Variants in CSMD1 observed in about 807,000 individuals in gnomAD.
The protein encoded by CSMD1 is CUB and Sushi multiple domains 1.
Under a neutral mutation model 417.5 loss-of-function variants are expected in CSMD1, and 213 were observed. The ratio of observed to expected loss-of-function variants is 0.51; its 90% confidence interval spans 0.46 to 0.57. CSMD1 has a LOEUF of 0.57. Ranked by LOEUF, CSMD1 falls within the 20% of genes least tolerant of loss-of-function variation. The pLI is 0.00. For synonymous variants in CSMD1, 2,862 were observed against 1,736.8 expected, an observed-to-expected ratio of 1.65 and a Z score of -16.11; for missense variants, 6,923 against 4,529.7, an observed-to-expected ratio of 1.53 and a Z score of -15.17.
intron 10 of CSMD1, among the ~76,000 whole-genome samples, chr8:3,560,478 C>T (rs1248255959): frequency 6.6e-6 from 1 of 152,130 alleles, no homozygotes; most frequent in Non-Finnish European, 1.5e-5. Flanking sequence ...ACTGATTCTT[C>T]TCATGCTGTA....
At chr8:4,617,259 A>G (rs1801523021) in intron 2 of CSMD1, among the ~76,000 whole-genome samples, 1 of 152,188 alleles carries the variant, frequency 6.6e-6, no homozygotes, top group South Asian at 2.1e-4. Flanking sequence ...TTTAAGAGCG[A>G]TTACTTGCTT....
rs936090849 is a variant in CSMD1 at position 4,983,051 on chromosome 8, C to T, written c.85+11281G>A. Reference sequence around the variant, plus strand: ...ACAAGCTCTAATATTAAATTATTGTCACCAGAAGAAAAAAATGCAAACATC... The same window carrying T: ...ACAAGCTCTAATATTAAATTATTGTTACCAGAAGAAAAAAATGCAAACATC... On this transcript the variant is annotated intron_variant, in intron 1 of 69. Transcript: ENST00000635120. 8.5e-5 allele frequency among the ~76,000 whole-genome samples: 13 copies of T among 152,226 alleles called. No homozygotes were observed. The East Asian group carries it at 2.3e-3, about 27-fold the overall frequency.
intron 1 of CSMD1, among the ~76,000 whole-genome samples, chr8:4,867,908 A>G (rs1388459112): frequency 1.3e-5 from 2 of 151,966 alleles, no homozygotes; most frequent in Non-Finnish European, 2.9e-5. Context: ...ACGGAGTTGA[A>G]TTTTCGAGCT....
chr8:4,457,661 G>C (rs1268645058), intron 2 of CSMD1, among the ~76,000 whole-genome samples: 1 of 152,126 alleles, frequency 6.6e-6, no homozygotes, highest in Non-Finnish European at 1.5e-5. Context: ...ATGATGTTAA[G>C]CTCAGACAAT....
Position 4,505,164 on chromosome 8 carries a change from G to C in CSMD1, c.303-85099C>G, listed in dbSNP as rs191474830. On this transcript the variant is annotated intron_variant, in intron 2 of 69. Coordinates refer to ENST00000635120, the MANE Select transcript of CSMD1 (RefSeq NM_033225.6). ...CAAACCCCACAATGATAAAAACCTG[G>C]TGGCTTTAGCTTGCATTGTTTCCTC... Among the ~76,000 whole-genome samples the C allele has an allele frequency of 1.9e-3, 286 of 152,254 alleles. 2 individuals are homozygous for C. The highest frequency in any genetic ancestry group is 6.7e-3 in the African/African-American group (278 of 41,532).
chr8:4,470,234 T>C (rs1585130357), intron 2 of CSMD1, among the ~76,000 whole-genome samples: 1 of 152,074 alleles, frequency 6.6e-6, no homozygotes, highest in Non-Finnish European at 1.5e-5. Flanking sequence ...TTTTCAGCCC[T>C]GCCAGGTCCA....
intron 5 of CSMD1, among the ~76,000 whole-genome samples, chr8:3,930,641 C>T (rs1222635599): frequency 3.3e-5 from 5 of 150,206 alleles, no homozygotes; most frequent in Admixed American, 6.6e-5. Flanking sequence ...ATAAGTGACC[C>T]TGTCTCCTTT....
At chr8:3,058,079 A>G (rs1253318505) in intron 49 of CSMD1, among the ~76,000 whole-genome samples, 1 of 152,066 alleles carries the variant, frequency 6.6e-6, no homozygotes, top group Non-Finnish European at 1.5e-5. Flanking sequence ...CTTATTCTGC[A>G]CCTATTTAAG....
intron 3 of CSMD1, among the ~76,000 whole-genome samples, chr8:4,203,551 G>T (rs896548425): frequency 6.6e-6 from 1 of 152,056 alleles, no homozygotes; most frequent in Admixed American, 6.6e-5. Flanking sequence ...TAAACAGCTG[G>T]GTGTGAATTT....
chr8:4,574,725 T>G (rs193035440), intron 2 of CSMD1, among the ~76,000 whole-genome samples: 71 of 152,286 alleles, frequency 4.7e-4, no homozygotes, highest in African/African-American at 1.7e-3. Context: ...AAACTAACCA[T>G]AGACACACAC....
intron 3 of CSMD1, among the ~76,000 whole-genome samples, chr8:4,400,929 A>C (rs942838405): frequency 6.8e-6 from 1 of 146,476 alleles, no homozygotes; most frequent in Non-Finnish European, 1.5e-5. Flanking sequence ...TACAATACCA[A>C]CTTCACAACT....
chr8:4,540,080 A>T (rs1295117939), intron 2 of CSMD1, among the ~76,000 whole-genome samples: 1 of 152,166 alleles, frequency 6.6e-6, no homozygotes, highest in African/African-American at 2.4e-5. Context: ...ATTATTTTCA[A>T]TACGATTATC....
chr8:3,586,595 T>C (rs1199943361), intron 8 of CSMD1, among the ~76,000 whole-genome samples: 2 of 152,134 alleles, frequency 1.3e-5, no homozygotes, highest in African/African-American at 2.4e-5. Flanking sequence ...TGAAGAAATT[T>C]TGTACCCTGA....
chr8:3,014,002 C>T (rs1808629752), intron 52 of CSMD1, among the ~76,000 whole-genome samples: 1 of 152,120 alleles, frequency 6.6e-6, no homozygotes, highest in South Asian at 2.1e-4. Context: ...TCTGCCTCTA[C>T]ACTATGAACT....
At chr8:4,022,997 G>C (rs916625072) in intron 4 of CSMD1, among the ~76,000 whole-genome samples, 1 of 152,230 alleles carries the variant, frequency 6.6e-6, no homozygotes, top group Non-Finnish European at 1.5e-5. Context: ...AGATGGGACA[G>C]TCTTTTACCA....
At chr8:3,028,772 G>C (rs796964722) in intron 51 of CSMD1, among the ~76,000 whole-genome samples, 6 of 152,206 alleles carry the variant, frequency 3.9e-5, no homozygotes, top group African/African-American at 1.4e-4. Context: ...GAACAATCAA[G>C]TAAAGATTGT....
Position 4,278,013 on chromosome 8 carries a change from C to T in CSMD1, c.415+141940G>A, listed in dbSNP as rs568241612. On this transcript the variant is annotated intron_variant, in intron 3 of 69. Transcript: ENST00000635120. ...TTCGCCGCCTTGCCCTCCCAAAGTG[C>T]TGGGATTACAAGCATGAGCCACGGC... 3.3e-5 allele frequency among the ~76,000 whole-genome samples: 5 copies of T among 152,250 alleles called. No individual in the cohort carries two copies. The South Asian group carries it at 6.2e-4, about 19-fold the overall frequency.
intron 7 of CSMD1, among the ~76,000 whole-genome samples, chr8:3,687,622 C>T (rs577919944): frequency 1.6e-4 from 25 of 152,142 alleles, no homozygotes; most frequent in Non-Finnish European, 2.8e-4. Flanking sequence ...CAGTGGGTTC[C>T]GAGCACTGTG....
intron 3 of CSMD1, among the ~76,000 whole-genome samples, chr8:4,172,090 C>A (rs546133920): frequency 6.6e-6 from 1 of 152,064 alleles, no homozygotes; most frequent in African/African-American, 2.4e-5. Flanking sequence ...AGGCGTATCA[C>A]GGAGAGTTTA....
Sources: gnomAD v4.1 joint callset for allele counts (sites outside exome capture counted in the v4.1 genomes callset) on GRCh38, gnomAD v4.1.1 for gene constraint, MANE v1.5 for transcripts, NCBI Gene and HGNC (gene_info 2026-07-23, HGNC 2026-07-21) for gene names.